RIPOR3: variants seen among roughly 807,000 people sequenced by gnomAD.
The protein encoded by RIPOR3 is family with sequence similarity 65 member C.
Under a neutral mutation model 114.3 loss-of-function variants are expected in RIPOR3, and 95 were observed. That is an observed-to-expected ratio of 0.83 (90% CI 0.70 to 0.99). The LOEUF is 0.99. RIPOR3 is among the 50% of genes least tolerant of loss of function. The probability of loss-of-function intolerance (pLI) is 0.00; values close to 1 mark genes in which losing one functional copy is unlikely to be tolerated. For synonymous variants in RIPOR3, 575 were observed against 543.8 expected (o/e 1.06, Z -0.80); for missense variants, 1,252 against 1,266.9 (o/e 0.99, Z 0.18).
chr20:50,637,986 G>C (rs56010926), intron 1 of RIPOR3, among the ~76,000 whole-genome samples: 30,489 of 150,982 alleles, frequency 0.2, 4,711 homozygotes, highest in African/African-American at 0.44. Context: ...GGCCTCAAGC[G>C]ATCCACATGG....
Position 50,592,570 on chromosome 20 carries a change from C to T in RIPOR3, c.2375-24G>A, listed in dbSNP as rs371727438. 14 of 1,464,134 alleles carry T rather than the reference C, an allele frequency of 9.6e-6. No homozygotes were observed. The African/African-American group carries it at 2.0e-4, about 21-fold the overall frequency. The allele number at this position is 1,464,134 out of a possible 1,614,324, so 90.7% of individuals were successfully genotyped here. On this transcript the variant is annotated intron_variant, in intron 18 of 21. Transcript: ENST00000327979. ...CACTAGAAGACAGGAAAGAGGTGGG[C>T]CCAGGTCCCCTGAATGGGAGTTTGG...
chr20:50,596,542 A>T (rs2083297479), intron 14 of RIPOR3, among the ~76,000 whole-genome samples: 1 of 152,192 alleles, frequency 6.6e-6, no homozygotes, highest in Non-Finnish European at 1.5e-5. Flanking sequence ...CAGCTCTGTG[A>T]CGCTGGACAA....
At chr20:50,587,465 A>G in intron 21 of RIPOR3, 133 bp from the exon 22 acceptor site, 1 of 730,040 alleles carries the variant, frequency 1.4e-6, no homozygotes, top group Admixed American at 2.3e-5. Context: ...GGGAGGGAGT[A>G]TGTGCGGGAG....
rs200433364 is a variant in RIPOR3 at position 50,630,772 on chromosome 20, C to T, written c.88G>A (p.Ala30Thr). ...CGGCTCTGTGCACTGCTGAAGCCTG[C>T]GAAGGAGGCGCTCCGGCCCACGACC... ...VGVVGRSASF[A>T]GFSSAQSRRI... The change falls in exon 2 of 22, where the codon GCA becomes ACA. Residue 30 changes from alanine (A) to threonine (T), a missense_variant. Physicochemically the swap from Ala to Thr is moderately conservative, Grantham distance 58. Coordinates refer to ENST00000327979, the MANE Select transcript of RIPOR3 (RefSeq NM_001290268.2). 3.0e-5 allele frequency: 48 copies of T among 1,612,254 alleles called. No homozygotes were observed. In the East Asian group the frequency reaches 6.9e-4, roughly 23 times the overall value.
At chr20:50,611,720 AAAT>A (rs1030553906) in intron 4 of RIPOR3, among the ~76,000 whole-genome samples, 5 of 152,216 alleles carry the variant, frequency 3.3e-5, no homozygotes, top group African/African-American at 1.2e-4. Flanking sequence ...CGACCAACAC[AAAT>A]AATATATCAT....
rs2083824907 is a variant in RIPOR3, at chr20:50,608,746, C to A, written c.685-8G>T. On this transcript the variant is annotated splice_region_variant and splice_polypyrimidine_tract_variant and intron_variant, in intron 9 of 21. Transcript: ENST00000327979. ...GCCCAGACGCATGAGCACCTGTGAACCAGCCCGAGAGGGGCCGCGTCAGCC... is the reference window on the plus strand; with the variant it reads ...GCCCAGACGCATGAGCACCTGTGAAACAGCCCGAGAGGGGCCGCGTCAGCC... 6.2e-7 allele frequency: 1 copy of A among 1,613,882 alleles called. No homozygotes were observed. Among genetic ancestry groups the A allele is most frequent in the South Asian group, 1.1e-5 (1 of 91,068 alleles).
At chr20:50,653,763 A>G (rs954550468) in intron 1 of RIPOR3, among the ~76,000 whole-genome samples, 1 of 151,148 alleles carries the variant, frequency 6.6e-6, no homozygotes, top group Non-Finnish European at 1.5e-5. Flanking sequence ...CTACTTTTTG[A>G]ATTTTTTTGT....
At position 50,596,127 on chromosome 20, in the gene RIPOR3, C is replaced by G. The variant is rs745318441; in HGVS notation, c.1914+13G>C. ...TGTCTGCCCCTCCCTGACAAGTCCC[C>G]TAGCCCAGCCACCTGCAGCAGAGCT... On this transcript the variant is annotated intron_variant, in intron 15 of 21. Transcript: ENST00000327979. 1.1e-5 allele frequency: 17 copies of G among 1,614,074 alleles called. No individual in the cohort carries two copies. The highest frequency in any genetic ancestry group is 1.4e-5 in the Non-Finnish European group (16 of 1,179,994).
chr20:50,608,984 T>A, intron 8 of RIPOR3, 29 bp from the exon 9 acceptor site: 1 of 1,557,514 alleles, frequency 6.4e-7, no homozygotes, highest in East Asian at 2.4e-5. Context: ...CGGTCTCCCC[T>A]CCGCCTTCCA....
chr20:50,596,696 C>G (rs965176429), intron 14 of RIPOR3, among the ~76,000 whole-genome samples: 1 of 152,212 alleles, frequency 6.6e-6, no homozygotes, highest in African/African-American at 2.4e-5. Flanking sequence ...ACCTGCTGCC[C>G]GACCCACTCA....
chr20:50,611,285 G>C, intron 4 of RIPOR3, 81 bp from the exon 5 acceptor site: 1 of 1,588,812 alleles, frequency 6.3e-7, no homozygotes, highest in Non-Finnish European at 8.6e-7. Context: ...CTATGCTGGC[G>C]GCGCCTGAGC....
At chr20:50,606,931 T>C (rs2083744465) in intron 11 of RIPOR3, among the ~76,000 whole-genome samples, 1 of 152,124 alleles carries the variant, frequency 6.6e-6, no homozygotes, top group African/African-American at 2.4e-5. Flanking sequence ...GGTTTCGCCT[T>C]GTTGGCCAGG....
chr20:50,690,412 C>G (rs1434277361), intron 1 of RIPOR3, among the ~76,000 whole-genome samples: 2 of 152,126 alleles, frequency 1.3e-5, no homozygotes, highest in Admixed American at 1.3e-4. Flanking sequence ...CTGCCCCATC[C>G]CAGGGCAGCC....
intron 1 of RIPOR3, among the ~76,000 whole-genome samples, chr20:50,642,543 C>G (rs147920614): frequency 1.4e-3 from 207 of 152,024 alleles, no homozygotes; most frequent in Non-Finnish European, 2.6e-3. Flanking sequence ...GGGGGAGAAG[C>G]TTGTCTTCCC....
chr20:50,623,570 T>C (rs2084503027), intron 2 of RIPOR3, among the ~76,000 whole-genome samples: 1 of 152,046 alleles, frequency 6.6e-6, no homozygotes, highest in South Asian at 2.1e-4. Context: ...ACCCAGGATG[T>C]GTGAGAGGAG....
chr20:50,688,450 C>G (rs1019321048), intron 1 of RIPOR3, among the ~76,000 whole-genome samples: 2 of 152,218 alleles, frequency 1.3e-5, no homozygotes, highest in African/African-American at 4.8e-5. Context: ...TCACCACACT[C>G]AGCCTTGACT....
chr20:50,589,862 C>T, intron 19 of RIPOR3, 93 bp from the exon 20 acceptor site: 2 of 1,061,440 alleles, frequency 1.9e-6, no homozygotes. Flanking sequence ...GACAGTAAGG[C>T]ACGCTGTGCC....
chr20:50,643,546 A>T (rs1030382341), intron 1 of RIPOR3, among the ~76,000 whole-genome samples: 7 of 152,044 alleles, frequency 4.6e-5, no homozygotes, highest in African/African-American at 1.7e-4. Flanking sequence ...TGAAAAAAAA[A>T]GTTGGGCACA....
intron 21 of RIPOR3, among the ~76,000 whole-genome samples, chr20:50,587,579 T>C (rs1158735666): frequency 2.0e-5 from 3 of 152,140 alleles, no homozygotes; most frequent in Non-Finnish European, 4.4e-5. Flanking sequence ...CCCAAAGGTC[T>C]AAGAAGACAG....
Sources: allele counts gnomAD v4.1 joint callset (sites outside exome capture counted in the v4.1 genomes callset), GRCh38; gene constraint gnomAD v4.1.1; transcripts MANE v1.5; gene names NCBI Gene and HGNC (gene_info 2026-07-23, HGNC 2026-07-21).